The following TMEFF2 variants were observed in gnomAD, a reference collection of about 807,000 sequenced individuals.
TMEFF2 encodes the protein transmembrane protein with EGF like and two follistatin like domains 2.
TMEFF2 carries 28 observed loss-of-function variants against 53.8 expected under a neutral mutation model. The ratio of observed to expected loss-of-function variants is 0.52; its 90% CI spans 0.39 to 0.71. The LOEUF (loss-of-function observed/expected upper bound fraction) is 0.71, where lower values mean the gene tolerates loss of function less well. Among genes scored for constraint, TMEFF2 ranks in the 30% least tolerant of loss-of-function variants. The pLI, the probability that TMEFF2 is intolerant of heterozygous loss-of-function variation, is 0.00. For missense variants in TMEFF2, 353 were observed against 455.2 expected, an observed-to-expected ratio of 0.78 and a Z score of 2.04; for synonymous variants, 162 against 166.3, an observed-to-expected ratio of 0.97 and a Z score of 0.20.
chr2:192,156,345 A>G (rs79501407), intron 4 of TMEFF2, among the ~76,000 whole-genome samples: 8,484 of 152,022 alleles, frequency 0.056, 705 homozygotes, highest in African/African-American at 0.19. Context: ...AAACAACTCT[A>G]TGAGGCAGAA....
At chr2:192,161,594 G>A (rs916449273) in intron 4 of TMEFF2, among the ~76,000 whole-genome samples, 1 of 152,160 alleles carries the variant, frequency 6.6e-6, no homozygotes, top group Non-Finnish European at 1.5e-5. Context: ...TAGTCAACTT[G>A]CTTGAGTCAG....
chr2:192,052,280 T>A (rs1687790217), intron 5 of TMEFF2, among the ~76,000 whole-genome samples: 1 of 152,246 alleles, frequency 6.6e-6, no homozygotes, highest in Non-Finnish European at 1.5e-5. Context: ...TGCAGCCAAT[T>A]TCATACCCAG....
intron 7 of TMEFF2, among the ~76,000 whole-genome samples, chr2:191,956,853 A>G (rs893449744): frequency 1.3e-5 from 2 of 152,238 alleles, no homozygotes; most frequent in Non-Finnish European, 2.9e-5. Flanking sequence ...TCCAAACCGA[A>G]TGCAAATTTC....
At chr2:192,063,378 A>G (rs1281791274) in intron 4 of TMEFF2, among the ~76,000 whole-genome samples, 1 of 151,878 alleles carries the variant, frequency 6.6e-6, no homozygotes, top group African/African-American at 2.4e-5. Flanking sequence ...ATTCATCTTC[A>G]TTAAATTTAA....
chr2:191,969,164 TATAG>T (rs1257440862), intron 7 of TMEFF2, among the ~76,000 whole-genome samples: 112 of 150,990 alleles, frequency 7.4e-4, no homozygotes, highest in African/African-American at 2.5e-3. Flanking sequence ...TATATATATA[TATAG>T]AGAGAGAGAG....
chr2:192,108,211 C>T (rs553017992), intron 4 of TMEFF2, among the ~76,000 whole-genome samples: 2 of 151,820 alleles, frequency 1.3e-5, no homozygotes, highest in East Asian at 3.9e-4. Context: ...AAGATGAATA[C>T]TTTTGCTTAT....
At chr2:192,101,817 G>C (rs571773149) in intron 4 of TMEFF2, among the ~76,000 whole-genome samples, 1 of 152,182 alleles carries the variant, frequency 6.6e-6, no homozygotes, top group South Asian at 2.1e-4. Context: ...CGAAATATTA[G>C]GCAACCTAAA....
At chr2:192,124,871 C>T (rs543695239) in intron 4 of TMEFF2, among the ~76,000 whole-genome samples, 3 of 152,230 alleles carry the variant, frequency 2.0e-5, no homozygotes, top group South Asian at 4.1e-4. Flanking sequence ...GCTCCTCTAC[C>T]ATGTCCCTTG....
chr2:192,164,196 T>C (rs1331023910), intron 4 of TMEFF2, among the ~76,000 whole-genome samples: 1 of 152,148 alleles, frequency 6.6e-6, no homozygotes, highest in Non-Finnish European at 1.5e-5. Flanking sequence ...TTCCCTACTC[T>C]CCTCTTCTAC....
intron 2 of TMEFF2, among the ~76,000 whole-genome samples, chr2:192,185,201 A>T (rs571440479): frequency 6.5e-4 from 99 of 152,162 alleles, no homozygotes; most frequent in Non-Finnish European, 1.1e-3. Context: ...GTTCATTTTT[A>T]AAAAACCTCA....
At chr2:192,165,562 T>G (rs115113351) in intron 4 of TMEFF2, among the ~76,000 whole-genome samples, 2 of 152,134 alleles carry the variant, frequency 1.3e-5, no homozygotes, top group Non-Finnish European at 2.9e-5. Context: ...CACATAAAAT[T>G]TGTAAAACAA....
At chr2:192,164,341 A>G (rs1303648842) in intron 4 of TMEFF2, among the ~76,000 whole-genome samples, 1 of 152,070 alleles carries the variant, frequency 6.6e-6, no homozygotes, top group Non-Finnish European at 1.5e-5. Flanking sequence ...ATCTTTGTGT[A>G]CCTTGTTCTT....
chr2:192,124,170 T>A (rs1689624031), intron 4 of TMEFF2, among the ~76,000 whole-genome samples: 1 of 152,218 alleles, frequency 6.6e-6, no homozygotes, highest in South Asian at 2.1e-4. Flanking sequence ...TTGGATTTAA[T>A]CAATCACCTG....
At chr2:192,030,607 T>A (rs997291456) in intron 5 of TMEFF2, 2 of 152,066 alleles carry the variant, frequency 1.3e-5, no homozygotes, top group Admixed American at 6.6e-5. Context: ...TCTGAAATTG[T>A]GAACTGACAA....
chr2:191,949,891 T>C lies in TMEFF2; in HGVS notation c.*420A>G, dbSNP rs1691817020. ...TTGGAATCATTCAAAACCTAGCCAC[T>C]GAGTCCTGTACGAACTAATGTGCTG... On this transcript the variant is annotated 3_prime_UTR_variant, in exon 10 of 10. Transcript: ENST00000272771. 7 of 988,014 alleles carry C rather than the reference T, an allele frequency of 7.1e-6. No homozygotes were observed. Among genetic ancestry groups the C allele is most frequent in the Non-Finnish European group, 8.4e-6 (7 of 831,464 alleles). 61.2% of individuals were successfully genotyped at this position (988,014 alleles called of 1,614,324 possible). A position where few individuals can be genotyped will look rare whatever the true frequency, so the allele number is the denominator to read the frequency against.
chr2:191,951,950 A>G (rs987923254), intron 9 of TMEFF2, among the ~76,000 whole-genome samples: 1 of 152,198 alleles, frequency 6.6e-6, no homozygotes, highest in Admixed American at 6.5e-5. Context: ...CTCAGTTTAG[A>G]TAATCTTGAG....
intron 5 of TMEFF2, among the ~76,000 whole-genome samples, chr2:192,051,184 A>G (rs1171865602): frequency 6.6e-6 from 1 of 152,060 alleles, no homozygotes; most frequent in Non-Finnish European, 1.5e-5. Context: ...ACACATTCAA[A>G]AAAAACCTTG....
chr2:192,019,536 T>C (rs771798494), intron 5 of TMEFF2, among the ~76,000 whole-genome samples: 64 of 152,220 alleles, frequency 4.2e-4, no homozygotes, highest in Non-Finnish European at 7.7e-4. Flanking sequence ...AAAAATAATG[T>C]TAATGTAAAA....
At chr2:192,180,443 C>A (rs1417338830) in intron 3 of TMEFF2, among the ~76,000 whole-genome samples, 1 of 151,650 alleles carries the variant, frequency 6.6e-6, no homozygotes, top group African/African-American at 2.4e-5. Context: ...AAGTTGAAAT[C>A]AAAACCATTA....
Sources: gnomAD v4.1 joint callset for allele counts (sites outside exome capture counted in the v4.1 genomes callset) on GRCh38, gnomAD v4.1.1 for gene constraint, MANE v1.5 for transcripts, NCBI Gene and HGNC (gene_info 2026-07-23, HGNC 2026-07-21) for gene names.